The following RAD51B variants were observed in gnomAD, a reference collection of about 807,000 sequenced individuals.
RAD51B encodes DNA repair protein RAD51 homolog 2.
Under a neutral mutation model 42.2 loss-of-function variants are expected in RAD51B, and 38 were observed. The ratio of observed to expected loss-of-function variants is 0.90; its 90% CI spans 0.70 to 1.18. The LOEUF is 1.18. RAD51B is among the 50% of genes most tolerant of loss of function. RAD51B has a pLI of 0.00. For synonymous variants in RAD51B, 154 were observed against 145.2 expected (o/e 1.06, Z -0.43); for missense variants, 373 against 400.7 (o/e 0.93, Z 0.59).
At chr14:68,267,736 C>A (rs919654551) in intron 7 of RAD51B, among the ~76,000 whole-genome samples, 1 of 152,160 alleles carries the variant, frequency 6.6e-6, no homozygotes, top group African/African-American at 2.4e-5. Flanking sequence ...GGATTATAAT[C>A]TATTGGGCTG....
intron 7 of RAD51B, among the ~76,000 whole-genome samples, chr14:67,897,992 C>T (rs990850911): frequency 4.6e-5 from 7 of 152,026 alleles, no homozygotes; most frequent in African/African-American, 1.7e-4. Context: ...GGTGTAGCTA[C>T]CTGCTATGGA....
chr14:68,527,840 T>C (rs945425977), intron 10 of RAD51B, among the ~76,000 whole-genome samples: 1 of 152,246 alleles, frequency 6.6e-6, no homozygotes, highest in Non-Finnish European at 1.5e-5. Flanking sequence ...AAAGTATGCA[T>C]AGAAAGAAGC....
intron 7 of RAD51B, among the ~76,000 whole-genome samples, chr14:68,180,342 T>C (rs1184586736): frequency 6.6e-6 from 1 of 152,188 alleles, no homozygotes; most frequent in Admixed American, 6.5e-5. Flanking sequence ...CAGTTTGTTC[T>C]AGCTAGTTGT....
chr14:67,906,718 T>C (rs750930407), intron 7 of RAD51B, among the ~76,000 whole-genome samples: 8 of 152,120 alleles, frequency 5.3e-5, no homozygotes, highest in Non-Finnish European at 1.0e-4. Flanking sequence ...TTTTGTGTAT[T>C]TCTGTGGGGT....
At chr14:68,111,221 T>C (rs1057423203) in intron 7 of RAD51B, among the ~76,000 whole-genome samples, 1 of 152,092 alleles carries the variant, frequency 6.6e-6, no homozygotes, top group Non-Finnish European at 1.5e-5. Context: ...TTAAATTCTT[T>C]TATTGTCGCC....
At chr14:68,541,832 AG>A (rs748733946) in intron 10 of RAD51B, 124 of 984,262 alleles carry the variant, frequency 1.3e-4, no homozygotes, top group Non-Finnish European at 1.4e-4. Context: ...TTTACAAGGC[AG>A]CCTGTGAGAT....
At chr14:68,393,936 A>G (rs1322795872) in intron 8 of RAD51B, among the ~76,000 whole-genome samples, 1 of 152,074 alleles carries the variant, frequency 6.6e-6, no homozygotes, top group African/African-American at 2.4e-5. Context: ...GGTCTTTCTC[A>G]TTTTTAGGGC....
intron 7 of RAD51B, among the ~76,000 whole-genome samples, chr14:67,963,713 AAC>A (rs2074713848): frequency 6.6e-6 from 1 of 152,160 alleles, no homozygotes; most frequent in Non-Finnish European, 1.5e-5. Context: ...CCAAGAAATA[AAC>A]AGTTTATAAC....
intron 7 of RAD51B, among the ~76,000 whole-genome samples, chr14:68,282,969 A>G (rs1045761562): frequency 5.3e-5 from 8 of 152,176 alleles, no homozygotes; most frequent in Non-Finnish European, 1.2e-4. Flanking sequence ...GCTGAAGGGT[A>G]TCAATGTTGG....
At chr14:68,093,816 GCAAA>G (rs2077145303) in intron 7 of RAD51B, among the ~76,000 whole-genome samples, 1 of 152,076 alleles carries the variant, frequency 6.6e-6, no homozygotes, top group African/African-American at 2.4e-5. Flanking sequence ...CCTTGCTACT[GCAAA>G]CAATGATGTG....
chr14:68,663,155 A>G (rs1366988511), intron 11 of RAD51B, among the ~76,000 whole-genome samples: 1 of 152,188 alleles, frequency 6.6e-6, no homozygotes, highest in Non-Finnish European at 1.5e-5. Flanking sequence ...ACAAAAAATT[A>G]GCTAGGCGTG....
At chr14:68,412,633 G>A (rs533351572) in intron 9 of RAD51B, among the ~76,000 whole-genome samples, 3 of 152,246 alleles carry the variant, frequency 2.0e-5, no homozygotes, top group Admixed American at 6.5e-5. Context: ...TGGTGATCAC[G>A]TCAGCCATGT....
intron 11 of RAD51B, among the ~76,000 whole-genome samples, chr14:68,680,754 T>C (rs557017352): frequency 6.6e-6 from 1 of 152,186 alleles, no homozygotes; most frequent in Non-Finnish European, 1.5e-5. Flanking sequence ...AGTGACTTAA[T>C]GATCTGTTTC....
chr14:67,996,339 TG>T (rs200412893), intron 7 of RAD51B, among the ~76,000 whole-genome samples: 2,069 of 151,906 alleles, frequency 0.014, 50 homozygotes, highest in African/African-American at 0.047. Context: ...GAGGCTGCAG[TG>T]AGCCAAGATC....
chr14:68,666,115 C>T (rs1214214481), intron 11 of RAD51B, among the ~76,000 whole-genome samples: 2 of 152,078 alleles, frequency 1.3e-5, no homozygotes, highest in Non-Finnish European at 2.9e-5. Context: ...CTGAAGCCAG[C>T]ATAGCAGAGA....
intron 7 of RAD51B, among the ~76,000 whole-genome samples, chr14:68,032,679 A>G (rs902692105): frequency 2.0e-5 from 3 of 152,150 alleles, no homozygotes; most frequent in African/African-American, 7.2e-5. Context: ...GCCTTCTACT[A>G]TTCTCCCCTT....
chr14:68,502,331 T>C (rs1884982177), intron 10 of RAD51B, among the ~76,000 whole-genome samples: 1 of 152,106 alleles, frequency 6.6e-6, no homozygotes, highest in Non-Finnish European at 1.5e-5. Context: ...ACTCAGCCCC[T>C]ACGAAAACTG....
chr14:67,867,816 T>C (rs1005659711), intron 5 of RAD51B, among the ~76,000 whole-genome samples: 9 of 152,208 alleles, frequency 5.9e-5, no homozygotes, highest in African/African-American at 2.2e-4. Flanking sequence ...AAGGACTATG[T>C]TGTAGCTCTG....
intron 7 of RAD51B, among the ~76,000 whole-genome samples, chr14:68,140,430 C>T (rs1007043216): frequency 3.9e-5 from 6 of 152,212 alleles, no homozygotes; most frequent in Non-Finnish European, 7.3e-5. Context: ...TCATGGAAAA[C>T]CAGGACCTTA....
Sources: gnomAD v4.1 joint callset for allele counts (sites outside exome capture counted in the v4.1 genomes callset) on GRCh38, gnomAD v4.1.1 for gene constraint, MANE v1.5 for transcripts, NCBI Gene and HGNC (gene_info 2026-07-23, HGNC 2026-07-21) for gene names.